Variants in AUH observed in about 807,000 individuals in gnomAD.
AUH encodes the protein AU RNA binding methylglutaconyl-CoA hydratase, also known as methylglutaconyl-CoA hydratase, mitochondrial.
In AUH, 29 loss-of-function variants were observed where a neutral mutation model predicts 42.3. The ratio of observed to expected loss-of-function variants is 0.69; its 90% CI spans 0.51 to 0.93. The LOEUF is 0.93. Ranked by LOEUF, AUH falls within the 40% of genes least tolerant of loss-of-function variation. The pLI is 0.00. For missense variants in AUH, 452 were observed against 438.1 expected (o/e 1.03, Z -0.28); for synonymous variants, 174 against 166.4 (o/e 1.05, Z -0.35).
chr9:91,361,523 C>A lies in AUH; in HGVS notation c.262+105G>T, dbSNP rs1004699555. 3.4e-6 allele frequency: 5 copies of A among 1,470,000 alleles called. No individual in the cohort carries two copies. In the African/African-American group the frequency reaches 5.8e-5, roughly 17 times the overall value. 91.1% of individuals were successfully genotyped at this position (1,470,000 alleles called of 1,614,324 possible). A position where few individuals can be genotyped will look rare whatever the true frequency, so the allele number is the denominator to read the frequency against. ...GAGGGACCCAGGTTCGGTGCGCCTG[C>A]CTGACCTCGACCCCGCGTCCTGCCG... On this transcript the variant is annotated intron_variant, in intron 1 of 9. Coordinates refer to ENST00000375731, the MANE Select transcript of AUH (RefSeq NM_001698.3).
At chr9:91,318,542 A>T (rs1044099080) in intron 4 of AUH, among the ~76,000 whole-genome samples, 6 of 152,192 alleles carry the variant, frequency 3.9e-5, no homozygotes, top group Non-Finnish European at 7.3e-5. Flanking sequence ...ATGTTTCCTT[A>T]GAAGCTTCAG....
chr9:91,305,359 A>G lies in AUH; in HGVS notation c.506-7283T>C, dbSNP rs1467805586. ...GACATAGTCTAGTCTGAGTTCAGGGATGTTAAATTGGTATACTATGCTTAT... is the reference window on the plus strand; with the variant it reads ...GACATAGTCTAGTCTGAGTTCAGGGGTGTTAAATTGGTATACTATGCTTAT... On this transcript the variant is annotated intron_variant, in intron 4 of 9. Transcript: ENST00000375731. Among the ~76,000 whole-genome samples the G allele has an allele frequency of 2.6e-5, 4 of 152,222 alleles. No homozygotes were observed. In the East Asian group the frequency reaches 7.7e-4, roughly 29 times the overall value.
chr9:91,289,661 G>C (rs1220068367), intron 6 of AUH, among the ~76,000 whole-genome samples: 1 of 152,160 alleles, frequency 6.6e-6, no homozygotes, highest in African/African-American at 2.4e-5. Context: ...TTTAGGCATG[G>C]CAAAATTCAC....
At chr9:91,347,835 T>C (rs1397489980) in intron 3 of AUH, among the ~76,000 whole-genome samples, 2 of 150,966 alleles carry the variant, frequency 1.3e-5, no homozygotes, top group Non-Finnish European at 3.0e-5. Flanking sequence ...GAAAAAAAAA[T>C]GATAAATCAG....
chr9:91,303,022 T>C (rs1827926596), intron 4 of AUH, among the ~76,000 whole-genome samples: 2 of 152,146 alleles, frequency 1.3e-5, no homozygotes. Context: ...TACCAGGAAA[T>C]GAGCCAGGTA....
intron 4 of AUH, among the ~76,000 whole-genome samples, chr9:91,324,221 G>A (rs1829799730): frequency 6.6e-6 from 1 of 152,124 alleles, no homozygotes; most frequent in Admixed American, 6.5e-5. Flanking sequence ...ATGAAGAAAA[G>A]GCTGAGTAAT....
At chr9:91,269,658 T>C (rs1293281893) in intron 6 of AUH, among the ~76,000 whole-genome samples, 1 of 152,206 alleles carries the variant, frequency 6.6e-6, no homozygotes, top group African/African-American at 2.4e-5. Flanking sequence ...CGTGTCACTT[T>C]AAAATTACGA....
chr9:91,249,803 A>G (rs1344035234), intron 6 of AUH, among the ~76,000 whole-genome samples: 1 of 150,210 alleles, frequency 6.7e-6, no homozygotes, highest in Admixed American at 6.6e-5. Context: ...CAAGGTCAAG[A>G]GATCAAGACC....
chr9:91,269,050 G>C (rs1824897458), intron 6 of AUH, among the ~76,000 whole-genome samples: 1 of 151,764 alleles, frequency 6.6e-6, no homozygotes, highest in Non-Finnish European at 1.5e-5. Context: ...GTGCGATCTT[G>C]GCTAACTGCA....
chr9:91,267,419 C>T (rs917451578), intron 6 of AUH, among the ~76,000 whole-genome samples: 2 of 152,142 alleles, frequency 1.3e-5, no homozygotes, highest in Non-Finnish European at 2.9e-5. Context: ...TTTTCATTTT[C>T]ACCATTCACC....
At chr9:91,358,417 A>G (rs1673133358) in intron 1 of AUH, among the ~76,000 whole-genome samples, 1 of 152,186 alleles carries the variant, frequency 6.6e-6, no homozygotes, top group Admixed American at 6.5e-5. Context: ...GCCGCTTACT[A>G]GCTATTCGGC....
intron 6 of AUH, among the ~76,000 whole-genome samples, chr9:91,243,867 G>A (rs1016031173): frequency 1.3e-5 from 2 of 152,188 alleles, no homozygotes; most frequent in Admixed American, 1.3e-4. Flanking sequence ...ACTCTTCATC[G>A]GGAAAATCAT....
intron 1 of AUH, among the ~76,000 whole-genome samples, chr9:91,359,844 T>G (rs1321910289): frequency 6.6e-6 from 1 of 152,162 alleles, no homozygotes; most frequent in African/African-American, 2.4e-5. Context: ...ACCCTTGACC[T>G]CATGTTTTTC....
chr9:91,290,042 T>C (rs1826730599), intron 6 of AUH, among the ~76,000 whole-genome samples: 1 of 152,204 alleles, frequency 6.6e-6, no homozygotes, highest in Non-Finnish European at 1.5e-5. Flanking sequence ...AATTCAAAGC[T>C]ACATAACATT....
intron 4 of AUH, among the ~76,000 whole-genome samples, chr9:91,313,727 A>AG (rs1252326691): frequency 7.3e-5 from 11 of 151,368 alleles, no homozygotes; most frequent in South Asian, 6.2e-4. Context: ...AAAAAAAAAA[A>AG]AAAAGAAAAT....
At chr9:91,249,568 G>C (rs1183446921) in intron 6 of AUH, among the ~76,000 whole-genome samples, 1 of 151,960 alleles carries the variant, frequency 6.6e-6, no homozygotes, top group Non-Finnish European at 1.5e-5. Flanking sequence ...TACTTTCAAA[G>C]CATACTTAAT....
rs568584589 is a variant in AUH at position 91,229,914 on chromosome 9, C to A, written c.656-8922G>T. 5.9e-5 allele frequency among the ~76,000 whole-genome samples: 9 copies of A among 152,188 alleles called. No homozygotes were observed. In the East Asian group the frequency reaches 1.7e-3, roughly 29 times the overall value. ...TCTCTTCTGGCTTGTAGGGTTTCTG[C>A]CAAGAGATTCGCTGTTAAGTCTGAT... On this transcript the variant is annotated intron_variant, in intron 6 of 9. Transcript: ENST00000375731.
At chr9:91,285,332 G>C (rs1432484717) in intron 6 of AUH, among the ~76,000 whole-genome samples, 1 of 151,660 alleles carries the variant, frequency 6.6e-6, no homozygotes, top group African/African-American at 2.4e-5. Context: ...AGGGGGGAGG[G>C]ATAGCATTAG....
chr9:91,275,503 A>T (rs993990485), intron 6 of AUH, among the ~76,000 whole-genome samples: 1 of 152,208 alleles, frequency 6.6e-6, no homozygotes, highest in African/African-American at 2.4e-5. Context: ...TTCCCTAGGC[A>T]TGTTTAAAGT....
Sources: allele counts gnomAD v4.1 joint callset (sites outside exome capture counted in the v4.1 genomes callset), GRCh38; gene constraint gnomAD v4.1.1; transcripts MANE v1.5; gene names NCBI Gene and HGNC (gene_info 2026-07-23, HGNC 2026-07-21).